Variants in ASAP1 observed in about 807,000 individuals in gnomAD.
ASAP1 encodes arf-GAP with SH3 domain, ANK repeat and PH domain-containing protein 1.
In ASAP1, 43 loss-of-function variants were observed where a neutral mutation model predicts 145.2. The ratio of observed to expected loss-of-function variants is 0.30; its 90% confidence interval spans 0.23 to 0.38. The LOEUF is 0.38. Among genes scored for constraint, ASAP1 ranks in the 10% least tolerant of loss-of-function variants. The pLI, the probability that ASAP1 is intolerant of heterozygous loss-of-function variation, is 1.00. For missense variants in ASAP1, 1,018 were observed against 1,355.3 expected (o/e 0.75, Z 3.91); for synonymous variants, 546 against 515.5 (o/e 1.06, Z -0.80).
intron 3 of ASAP1, among the ~76,000 whole-genome samples, chr8:130,276,756 T>C (rs901994283): frequency 4.0e-5 from 6 of 149,436 alleles, no homozygotes; most frequent in African/African-American, 1.5e-4. Flanking sequence ...TCTCTCTCTC[T>C]CTCTCCTCTA....
At chr8:130,243,809 C>G (rs150330931) in intron 3 of ASAP1, among the ~76,000 whole-genome samples, 1 of 152,108 alleles carries the variant, frequency 6.6e-6, no homozygotes, top group Non-Finnish European at 1.5e-5. Context: ...AGTCACTGTC[C>G]ATTCATTACC....
chr8:130,079,289 T>C (rs1592751659), intron 26 of ASAP1, among the ~76,000 whole-genome samples: 1 of 152,316 alleles, frequency 6.6e-6, no homozygotes, highest in East Asian at 1.9e-4. Context: ...TGGCTCTCTG[T>C]CCTTTCCTTG....
At chr8:130,203,368 A>T (rs546840766) in intron 5 of ASAP1, among the ~76,000 whole-genome samples, 2 of 152,320 alleles carry the variant, frequency 1.3e-5, no homozygotes, top group East Asian at 3.9e-4. Flanking sequence ...TGTACAAGGG[A>T]AGCCTGAAGT....
At chr8:130,380,595 G>C (rs182375133) in intron 2 of ASAP1, among the ~76,000 whole-genome samples, 1 of 152,326 alleles carries the variant, frequency 6.6e-6, no homozygotes, top group Admixed American at 6.5e-5. Context: ...TATAACCCAT[G>C]AAGGTAAAAG....
At chr8:130,123,382 A>G (rs1292716808) in intron 18 of ASAP1, among the ~76,000 whole-genome samples, 1 of 152,068 alleles carries the variant, frequency 6.6e-6, no homozygotes, top group Admixed American at 6.5e-5. Context: ...GGAATCTCCC[A>G]TTGTCTTTGA....
chr8:130,240,158 G>C (rs976328756), intron 3 of ASAP1, among the ~76,000 whole-genome samples: 1 of 152,054 alleles, frequency 6.6e-6, no homozygotes, highest in Non-Finnish European at 1.5e-5. Context: ...TTGTGGGGGG[G>C]AGCGGGTACA....
intron 3 of ASAP1, among the ~76,000 whole-genome samples, chr8:130,242,943 G>T (rs1285548475): frequency 1.3e-5 from 2 of 152,096 alleles, no homozygotes; most frequent in Non-Finnish European, 2.9e-5. Flanking sequence ...GGTATCTGTG[G>T]GGATCCTGGA....
intron 3 of ASAP1, among the ~76,000 whole-genome samples, chr8:130,286,684 C>A (rs1057024157): frequency 1.3e-5 from 2 of 152,152 alleles, no homozygotes; most frequent in African/African-American, 4.8e-5. Context: ...TACCCATCAT[C>A]ATCTTCATGC....
At chr8:130,211,581 T>C (rs1816585360) in intron 5 of ASAP1, among the ~76,000 whole-genome samples, 1 of 152,226 alleles carries the variant, frequency 6.6e-6, no homozygotes, top group African/African-American at 2.4e-5. Context: ...AATGTTTTTC[T>C]CATCCAGAGT....
intron 1 of ASAP1, among the ~76,000 whole-genome samples, chr8:130,402,665 C>T (rs1345322582): frequency 3.3e-5 from 5 of 152,040 alleles, no homozygotes; most frequent in Admixed American, 1.3e-4. Context: ...CCATCCAGGG[C>T]GAAAAACCGA....
intron 23 of ASAP1, 104 bp downstream of exon 23, chr8:130,115,524 C>G (rs1482328370): frequency 3.4e-6 from 3 of 890,742 alleles, no homozygotes; most frequent in Non-Finnish European, 3.6e-6. Context: ...TACATTGGAT[C>G]ATAAAACCAC....
chr8:130,238,278 T>C (rs1024327999), intron 3 of ASAP1, among the ~76,000 whole-genome samples: 30 of 152,138 alleles, frequency 2.0e-4, no homozygotes, highest in African/African-American at 7.0e-4. Flanking sequence ...TCTGGTCACA[T>C]CAGCTTAAGA....
rs924603624 is a variant in ASAP1, at chr8:130,358,853, G to T, written c.60-710C>A. On this transcript the variant is annotated intron_variant, in intron 2 of 29. Transcript: ENST00000518721. This position sits in a 1 kb window ranked among gnomAD's most constrained non-coding sequence, Gnocchi z 4.1. ...GGGGCTCCGGAAGCCCGAGTCCCTG[G>T]TTCGCCCCCGGAGCGGTTACTTCAG... 2.0e-5 allele frequency among the ~76,000 whole-genome samples: 3 copies of T among 151,888 alleles called. No individual in the cohort carries two copies. Among genetic ancestry groups the T allele is most frequent in the Non-Finnish European group, 4.4e-5 (3 of 67,940 alleles).
chr8:130,363,248 G>A (rs1421638942), intron 2 of ASAP1, among the ~76,000 whole-genome samples: 5 of 152,152 alleles, frequency 3.3e-5, no homozygotes, highest in East Asian at 1.9e-4. Context: ...TATTCTTGCC[G>A]GGTGCAGTGA....
intron 27 of ASAP1, among the ~76,000 whole-genome samples, chr8:130,066,509 C>T (rs1284380484): frequency 6.6e-6 from 1 of 152,100 alleles, no homozygotes. Flanking sequence ...CAATACCTGG[C>T]CTATTTCTTT....
chr8:130,072,825 G>GTGCGTGTGCGTGTGCGCGCGCGCGCGCA, intron 27 of ASAP1, among the ~76,000 whole-genome samples: 2 of 54,098 alleles, frequency 3.7e-5, no homozygotes, highest in East Asian at 8.0e-4. Context: ...GTGTGTGTGT[G>GTGCGTGTGCGTGTGCGCGCGCGCGCGCA]CGCGCGGGGG....
intron 5 of ASAP1, among the ~76,000 whole-genome samples, chr8:130,213,645 C>T (rs764275717): frequency 2.6e-5 from 4 of 152,166 alleles, no homozygotes; most frequent in Non-Finnish European, 5.9e-5. Flanking sequence ...CAGGGCAGGG[C>T]TAACTTGGAA....
At chr8:130,119,597 G>T (rs928784530) in intron 18 of ASAP1, among the ~76,000 whole-genome samples, 16 of 152,160 alleles carry the variant, frequency 1.1e-4, no homozygotes, top group African/African-American at 3.4e-4. Flanking sequence ...GGAAAGGAGA[G>T]GTAGGAGTCA....
intron 11 of ASAP1, among the ~76,000 whole-genome samples, chr8:130,165,006 A>G (rs943925595): frequency 6.6e-6 from 1 of 152,246 alleles, no homozygotes; most frequent in Non-Finnish European, 1.5e-5. Flanking sequence ...GATAAACAGC[A>G]TGAGAAAGGA....
Sources: gnomAD v4.1 joint callset for allele counts (sites outside exome capture counted in the v4.1 genomes callset) on GRCh38, gnomAD v4.1.1 for gene constraint, Gnocchi (gnomAD v3.1) non-coding constraint, MANE v1.5 for transcripts, NCBI Gene and HGNC (gene_info 2026-07-23, HGNC 2026-07-21) for gene names.